AGAP1: variants seen among roughly 807,000 people sequenced by gnomAD.
The protein encoded by AGAP1 is ArfGAP with GTPase domain, ankyrin repeat and PH domain 1, also known as arf-GAP with GTPase, ANK repeat and PH domain-containing protein 1.
AGAP1 carries 29 observed loss-of-function variants against 105.3 expected under a neutral mutation model. The ratio of observed to expected loss-of-function variants is 0.28; its 90% CI spans 0.21 to 0.38. The LOEUF (loss-of-function observed/expected upper bound fraction) is 0.38, where lower values mean the gene tolerates loss of function less well. AGAP1 is among the 10% of genes least tolerant of loss of function. The pLI is 1.00. For missense variants in AGAP1, 998 were observed against 1,165.1 expected, an observed-to-expected ratio of 0.86 and a Z score of 2.09; for synonymous variants, 509 against 485.9, an observed-to-expected ratio of 1.05 and a Z score of -0.63.
chr2:236,016,011 C>G (rs983472749), intron 13 of AGAP1, among the ~76,000 whole-genome samples: 3 of 149,454 alleles, frequency 2.0e-5, no homozygotes, highest in African/African-American at 7.5e-5. Context: ...CCTGTCTTGC[C>G]GCTGAACGCC....
chr2:235,989,886 AAG>A lies in AGAP1; in HGVS notation c.1645+21268_1645+21269del, dbSNP rs917820689. Among the ~76,000 whole-genome samples, 3 of 152,134 alleles carry A rather than the reference AAG, an allele frequency of 2.0e-5. No homozygotes were observed. The highest frequency in any genetic ancestry group is 7.2e-5 in the African/African-American group (3 of 41,436). Reference sequence around the variant, plus strand: ...CTTTTGCCCACAGGAGAAGAGATGAAAGAGAGGGGAGGGGCTGGCCAGTCAGC... The same window carrying A: ...CTTTTGCCCACAGGAGAAGAGATGAAAGAGGGGAGGGGCTGGCCAGTCAGC... On this transcript the variant is annotated intron_variant, in intron 13 of 17. Transcript: ENST00000304032. The surrounding 1 kb of genome is among the most constrained non-coding windows in gnomAD (Gnocchi z 4.4).
At position 236,104,376 on chromosome 2, in the gene AGAP1, A is replaced by G. The variant is rs2059432530; in HGVS notation, c.2115-15816A>G. ...AGAAGTCCCCCAGCGGTGCTCCTAG[A>G]CAGGTGGAGACCTCAATCCTGCAGC... On this transcript the variant is annotated intron_variant, in intron 16 of 17. Coordinates refer to ENST00000304032, the MANE Select transcript of AGAP1 (RefSeq NM_001037131.3). The surrounding 1 kb of genome is among the most constrained non-coding windows in gnomAD (Gnocchi z 4.7). Among the ~76,000 whole-genome samples, 1 of 152,236 alleles carries G rather than the reference A, an allele frequency of 6.6e-6. No homozygotes were observed. The highest frequency in any genetic ancestry group is 6.5e-5 in the Admixed American group (1 of 15,286).
At chr2:235,619,726 C>T (rs1559293699) in intron 1 of AGAP1, among the ~76,000 whole-genome samples, 1 of 152,216 alleles carries the variant, frequency 6.6e-6, no homozygotes, top group East Asian at 1.9e-4. Flanking sequence ...CAAGAGGCGG[C>T]CAGCTGCTGG....
chr2:235,603,367 G>GA (rs1172864259), intron 1 of AGAP1, among the ~76,000 whole-genome samples: 3 of 152,162 alleles, frequency 2.0e-5, no homozygotes, highest in Non-Finnish European at 2.9e-5. Context: ...TCAGCAGCAT[G>GA]AAAAACGAAC....
rs1425474813 is a variant in AGAP1 at position 236,126,382 on chromosome 2, A to C, written c.*2260A>C. 1 of 152,210 alleles carries C rather than the reference A, an allele frequency of 6.6e-6. No individual in the cohort carries two copies. Among genetic ancestry groups the C allele is most frequent in the Admixed American group, 6.5e-5 (1 of 15,278 alleles). The allele number at this position is 152,210 out of a possible 1,614,324, so 9.4% of individuals were successfully genotyped here. ...TAGACTCTGTAGTGGACACAGATAT[A>C]GCATAAATGAAATTGTTAAATTATT... On this transcript the variant is annotated 3_prime_UTR_variant, in exon 18 of 18. Transcript: ENST00000304032.
At chr2:235,844,031 A>G (rs1381222880) in intron 9 of AGAP1, among the ~76,000 whole-genome samples, 1 of 152,002 alleles carries the variant, frequency 6.6e-6, no homozygotes, top group Non-Finnish European at 1.5e-5. Context: ...GAGTCCCCAA[A>G]GGACCACCCA....
rs563796874 is a variant in AGAP1, at chr2:235,585,545, G to A, written c.163+90696G>A. Among the ~76,000 whole-genome samples, 17 of 152,316 alleles carry A rather than the reference G, an allele frequency of 1.1e-4. No homozygotes were observed. The East Asian group carries it at 3.3e-3, about 29-fold the overall frequency. On this transcript the variant is annotated intron_variant, in intron 1 of 17. Coordinates refer to ENST00000304032, the MANE Select transcript of AGAP1 (RefSeq NM_001037131.3). Reference sequence around the variant, plus strand: ...TCTGTGGGCATCTCTGGGGGCCACTGTTCAGCCTGAATGTGTTCTGAGGCT... The same window carrying A: ...TCTGTGGGCATCTCTGGGGGCCACTATTCAGCCTGAATGTGTTCTGAGGCT...
Position 235,970,644 on chromosome 2 carries a change from G to T in AGAP1, c.1645+2021G>T, listed in dbSNP as rs368945121. Among the ~76,000 whole-genome samples, 13 of 152,324 alleles carry T rather than the reference G, an allele frequency of 8.5e-5. No individual in the cohort carries two copies. The East Asian group carries it at 2.3e-3, about 27-fold the overall frequency. Reference sequence around the variant, plus strand: ...ATGCACAACCTGGTGGGAACTGACCGTTGCCACTTAGATACACGTTCATTA... The same window carrying T: ...ATGCACAACCTGGTGGGAACTGACCTTTGCCACTTAGATACACGTTCATTA... On this transcript the variant is annotated intron_variant, in intron 13 of 17. Transcript: ENST00000304032. This position sits in a 1 kb window ranked among gnomAD's most constrained non-coding sequence, Gnocchi z 5.4.
rs1244720836 is a variant in AGAP1, at chr2:235,977,383, G to C, written c.1645+8760G>C. Among the ~76,000 whole-genome samples, 3 of 152,200 alleles carry C rather than the reference G, an allele frequency of 2.0e-5. No individual in the cohort carries two copies. The East Asian group carries it at 5.8e-4, about 29-fold the overall frequency. Reference sequence around the variant, plus strand: ...GAAGAGGGGCTGGTTCTAGCGGCCAGTGCTGTTCAACTTGTGTCTTCCTTA... The same window carrying C: ...GAAGAGGGGCTGGTTCTAGCGGCCACTGCTGTTCAACTTGTGTCTTCCTTA... On this transcript the variant is annotated intron_variant, in intron 13 of 17. Coordinates refer to ENST00000304032, the MANE Select transcript of AGAP1 (RefSeq NM_001037131.3). The surrounding 1 kb of genome is among the most constrained non-coding windows in gnomAD (Gnocchi z 5.2).
rs886221844 is a variant in AGAP1, at chr2:235,733,000, T to G, written c.311-7963T>G. Among the ~76,000 whole-genome samples the G allele has an allele frequency of 2.0e-5, 3 of 152,152 alleles. No individual in the cohort carries two copies. ...GGATGCTGTTCTGGAGATCCCAGGA[T>G]TTACTGAGCATCCATGCTCTGCCAT... On this transcript the variant is annotated intron_variant, in intron 3 of 17. Transcript: ENST00000304032. This position sits in a 1 kb window ranked among gnomAD's most constrained non-coding sequence, Gnocchi z 4.8.
At chr2:235,870,687 A>G (rs764398908) in intron 9 of AGAP1, among the ~76,000 whole-genome samples, 20 of 152,166 alleles carry the variant, frequency 1.3e-4, no homozygotes, top group African/African-American at 3.6e-4. Flanking sequence ...GGCCATAACA[A>G]TTCTGAAATC....
At position 235,847,042 on chromosome 2, in the gene AGAP1, G is replaced by A. The variant is rs1438589600; in HGVS notation, c.1051-36303G>A. 3.3e-5 allele frequency among the ~76,000 whole-genome samples: 5 copies of A among 152,346 alleles called. No homozygotes were observed. The East Asian group carries it at 9.6e-4, about 29-fold the overall frequency. ...GTTCGACATGTTGAGCAAAATGCTA[G>A]GAGGGTGGTGCAGAGGCCACCGTGG... On this transcript the variant is annotated intron_variant, in intron 9 of 17. Coordinates refer to ENST00000304032, the MANE Select transcript of AGAP1 (RefSeq NM_001037131.3).
In AGAP1 at chr2:235,979,800, CTATT is replaced by C. The variant is rs1398477249; in HGVS notation, c.1645+11180_1645+11183del. On this transcript the variant is annotated intron_variant, in intron 13 of 17. Transcript: ENST00000304032. This position sits in a 1 kb window ranked among gnomAD's most constrained non-coding sequence, Gnocchi z 4.5. ...AGTGCCTACTGCACACAGTTTAATTCTATTTAATTTTTTTAAGTGGAAAAAAGCA... is the reference window on the plus strand; with the variant it reads ...AGTGCCTACTGCACACAGTTTAATTCTAATTTTTTTAAGTGGAAAAAAGCA... 6.6e-6 allele frequency among the ~76,000 whole-genome samples: 1 copy of C among 152,112 alleles called. No homozygotes were observed. Among genetic ancestry groups the C allele is most frequent in the Non-Finnish European group, 1.5e-5 (1 of 68,020 alleles).
At chr2:235,899,539 T>C (rs996571634) in intron 10 of AGAP1, among the ~76,000 whole-genome samples, 37 of 152,198 alleles carry the variant, frequency 2.4e-4, no homozygotes, top group Non-Finnish European at 1.5e-5. Flanking sequence ...CTGTTTGTTT[T>C]AGCGCTGCAC....
At chr2:235,678,849 C>T (rs77883809) in intron 1 of AGAP1, among the ~76,000 whole-genome samples, 7,762 of 151,998 alleles carry the variant, frequency 0.051, 610 homozygotes, top group African/African-American at 0.17. Context: ...TTCCCACTCC[C>T]GCTCTCCTGC....
At chr2:235,522,679 G>A (rs1942667996) in intron 1 of AGAP1, among the ~76,000 whole-genome samples, 1 of 152,186 alleles carries the variant, frequency 6.6e-6, no homozygotes, top group Non-Finnish European at 1.5e-5. Context: ...GCAGAGGGGA[G>A]GCTGAAAGTT....
intron 1 of AGAP1, among the ~76,000 whole-genome samples, chr2:235,653,170 T>A (rs1036232765): frequency 6.6e-6 from 1 of 151,860 alleles, no homozygotes; most frequent in Non-Finnish European, 1.5e-5. Context: ...CCTTGCTACT[T>A]AAGGGCACAT....
rs139155402 is a variant in AGAP1 at position 236,062,642 on chromosome 2, T to TTTTGTTTG, written c.2114+13377_2114+13384dup. Among the ~76,000 whole-genome samples the TTTTGTTTG allele has an allele frequency of 6.4e-3, 967 of 151,354 alleles. 45 individuals are homozygous for TTTTGTTTG. Among genetic ancestry groups the TTTTGTTTG allele is most frequent in the Admixed American group, 0.059 (897 of 15,198 alleles). ...AGCCACATGCCTCCACACTCAGCTA[T>TTTTGTTTG]TTTGTTTGTTTGTTTGTTTGTTTTT... On this transcript the variant is annotated intron_variant, in intron 16 of 17. Transcript: ENST00000304032. This position sits in a 1 kb window ranked among gnomAD's most constrained non-coding sequence, Gnocchi z 4.2.
chr2:235,850,475 C>G (rs1038687530), intron 9 of AGAP1, among the ~76,000 whole-genome samples: 23 of 152,216 alleles, frequency 1.5e-4, no homozygotes, highest in Non-Finnish European at 3.1e-4. Context: ...AGGACATCAG[C>G]CGGCTGGCTC....
Sources: gnomAD v4.1 joint callset for allele counts (sites outside exome capture counted in the v4.1 genomes callset) on GRCh38, gnomAD v4.1.1 for gene constraint, Gnocchi (gnomAD v3.1) non-coding constraint, MANE v1.5 for transcripts, NCBI Gene and HGNC (gene_info 2026-07-23, HGNC 2026-07-21) for gene names.